CYP7B1: variants seen among roughly 807,000 people sequenced by gnomAD.
The protein encoded by CYP7B1 is cytochrome P450 7B1.
Under a neutral mutation model 42.7 loss-of-function variants are expected in CYP7B1, and 29 were observed. That is an observed-to-expected ratio of 0.68 (90% CI 0.51 to 0.93). CYP7B1 has a LOEUF of 0.93. CYP7B1 is among the 40% of genes least tolerant of loss of function. The pLI is 0.00. For missense variants in CYP7B1, 655 were observed against 600.5 expected (o/e 1.09, Z -0.95); for synonymous variants, 235 against 218.2 (o/e 1.08, Z -0.68).
intron 1 of CYP7B1, among the ~76,000 whole-genome samples, chr8:64,773,753 G>T (rs1216576959): frequency 6.6e-6 from 1 of 152,102 alleles, no homozygotes. Flanking sequence ...ATCTGGTAAG[G>T]GCCTTCTAGC....
At chr8:64,620,359 TC>T (rs1385649919) in intron 2 of CYP7B1, among the ~76,000 whole-genome samples, 1 of 152,030 alleles carries the variant, frequency 6.6e-6, no homozygotes, top group Non-Finnish European at 1.5e-5. Flanking sequence ...CATGTACATA[TC>T]CCCCCGCTTA....
intron 1 of CYP7B1, among the ~76,000 whole-genome samples, chr8:64,785,235 C>A (rs1804502532): frequency 6.6e-6 from 1 of 152,094 alleles, no homozygotes; most frequent in Admixed American, 6.5e-5. Flanking sequence ...GAGAAAAAAG[C>A]AAGTCTCATT....
chr8:64,621,799 G>A (rs891392420), intron 2 of CYP7B1, among the ~76,000 whole-genome samples: 7 of 146,396 alleles, frequency 4.8e-5, no homozygotes, highest in South Asian at 2.2e-4. Flanking sequence ...GCAGTGGTAC[G>A]ATCTCGGCTC....
intron 2 of CYP7B1, among the ~76,000 whole-genome samples, chr8:64,618,520 T>G (rs577811593): frequency 6.6e-6 from 1 of 152,176 alleles, no homozygotes; most frequent in South Asian, 2.1e-4. Flanking sequence ...GCTGTACACA[T>G]GTTACAATTT....
chr8:64,798,710 G>T lies in CYP7B1; in HGVS notation c.-123C>A. 9.0e-7 allele frequency: 1 copy of T among 1,116,654 alleles called. No homozygotes were observed. The highest frequency in any genetic ancestry group is 1.2e-6 in the Non-Finnish European group (1 of 841,942). The allele number at this position is 1,116,654 out of a possible 1,614,324, so 69.2% of individuals were successfully genotyped here. A position where few individuals can be genotyped will look rare whatever the true frequency, so the allele number is the denominator to read the frequency against. On this transcript the variant is annotated 5_prime_UTR_variant, in exon 1 of 6. Coordinates refer to ENST00000310193, the MANE Select transcript of CYP7B1 (RefSeq NM_004820.5). ...CCCTAGTCCAGGGCCGGAGAGGCTGGCCTGCCCGCAGCGCAGACAGGAATG... is the reference window on the plus strand; with the variant it reads ...CCCTAGTCCAGGGCCGGAGAGGCTGTCCTGCCCGCAGCGCAGACAGGAATG...
At chr8:64,715,780 T>A (rs1384585796) in intron 1 of CYP7B1, among the ~76,000 whole-genome samples, 1 of 152,176 alleles carries the variant, frequency 6.6e-6, no homozygotes, top group Non-Finnish European at 1.5e-5. Context: ...TGAACATAAA[T>A]TTAAGCATCT....
intron 1 of CYP7B1, among the ~76,000 whole-genome samples, chr8:64,703,594 C>A (rs1196822673): frequency 6.6e-6 from 1 of 151,912 alleles, no homozygotes; most frequent in Admixed American, 6.6e-5. Flanking sequence ...AAGCATATCC[C>A]AAACTACATA....
chr8:64,623,156 T>C (rs1228169170), intron 2 of CYP7B1, among the ~76,000 whole-genome samples: 1 of 152,212 alleles, frequency 6.6e-6, no homozygotes, highest in Non-Finnish European at 1.5e-5. Flanking sequence ...TCCATCTCTC[T>C]ACATGTGCCC....
downstream of CYP7B1, among the ~76,000 whole-genome samples, chr8:64,589,588 T>TA (rs1432460209): frequency 5.9e-5 from 9 of 152,184 alleles, no homozygotes; most frequent in African/African-American, 2.2e-4. Context: ...AATTTTAATA[T>TA]AAAAAACAAA....
chr8:64,682,394 A>G (rs926366038), intron 1 of CYP7B1, among the ~76,000 whole-genome samples: 1 of 152,194 alleles, frequency 6.6e-6, no homozygotes, highest in African/African-American at 2.4e-5. Flanking sequence ...TGCCTAACCA[A>G]AAGGCGCTAA....
At chr8:64,680,342 T>C (rs1806517515) in intron 1 of CYP7B1, among the ~76,000 whole-genome samples, 1 of 152,160 alleles carries the variant, frequency 6.6e-6, no homozygotes, top group Admixed American at 6.5e-5. Flanking sequence ...ATATTACTAA[T>C]ATGTTCCTAT....
chr8:64,794,209 A>G (rs972877688), intron 1 of CYP7B1, among the ~76,000 whole-genome samples: 3 of 152,162 alleles, frequency 2.0e-5, no homozygotes, highest in Admixed American at 2.0e-4. Context: ...AGAAGGAGGC[A>G]CTTCAGAAAT....
At chr8:64,629,937 G>T (rs920958436) in intron 1 of CYP7B1, among the ~76,000 whole-genome samples, 3 of 152,194 alleles carry the variant, frequency 2.0e-5, no homozygotes, top group Non-Finnish European at 4.4e-5. Flanking sequence ...AGAAGCCCCA[G>T]TGAGAGGCCT....
In CYP7B1 at chr8:64,616,085, T is replaced by C. The variant is rs1805441459; in HGVS notation, c.456A>G (p.Ile152Met). ...GATTCTGCATCATGCTTTCCAAGAGTATGTCCAAAGATTTGCCTTGCAAAA... is the reference window on the plus strand; with the variant it reads ...GATTCTGCATCATGCTTTCCAAGAGCATGTCCAAAGATTTGCCTTGCAAAA... ...YQFLQGKSLD[I>M]LLESMMQNLK... Residue 152 changes from isoleucine to methionine, a missense_variant, in exon 3 of 6, where the codon ATA (isoleucine) becomes ATG (methionine). Physicochemically the swap from Ile to Met is conservative, Grantham distance 10. Transcript: ENST00000310193. The C allele has an allele frequency of 4.3e-6, 7 of 1,613,708 alleles. No homozygotes were observed. Among genetic ancestry groups the C allele is most frequent in the Non-Finnish European group, 5.1e-6 (6 of 1,179,796 alleles).
intron 1 of CYP7B1, among the ~76,000 whole-genome samples, chr8:64,671,084 TC>T (rs1303887940): frequency 3.3e-5 from 5 of 151,172 alleles, no homozygotes; most frequent in Admixed American, 6.6e-5. Context: ...TGTAAATGCC[TC>T]CCCCCCATGT....
intron 1 of CYP7B1, among the ~76,000 whole-genome samples, chr8:64,713,325 G>A (rs534619935): frequency 2.0e-5 from 3 of 151,872 alleles, no homozygotes; most frequent in Non-Finnish European, 4.4e-5. Flanking sequence ...TGTCCAGGAT[G>A]CAATAAAAAG....
intron 1 of CYP7B1, among the ~76,000 whole-genome samples, chr8:64,760,238 T>C (rs1352837254): frequency 4.6e-5 from 7 of 152,020 alleles, no homozygotes. Context: ...ACACAAAAAT[T>C]AACTCAAAAT....
chr8:64,613,019 G>A (rs1805384836), intron 4 of CYP7B1, among the ~76,000 whole-genome samples: 1 of 151,912 alleles, frequency 6.6e-6, no homozygotes, highest in Non-Finnish European at 1.5e-5. Flanking sequence ...TCTTTTGAAA[G>A]AAAAAAATAC....
intron 1 of CYP7B1, among the ~76,000 whole-genome samples, chr8:64,751,716 A>C (rs981833404): frequency 6.6e-6 from 1 of 152,210 alleles, no homozygotes; most frequent in Non-Finnish European, 1.5e-5. Context: ...AACTGACAGT[A>C]TATGGGAGTG....
Sources: allele counts gnomAD v4.1 joint callset (sites outside exome capture counted in the v4.1 genomes callset), GRCh38; gene constraint gnomAD v4.1.1; transcripts MANE v1.5; gene names NCBI Gene and HGNC (gene_info 2026-07-23, HGNC 2026-07-21).